WWP1: variants seen among roughly 807,000 people sequenced by gnomAD.
WWP1 encodes the protein NEDD4-like E3 ubiquitin-protein ligase WWP1.
WWP1 carries 49 observed loss-of-function variants against 130.6 expected under a neutral mutation model. The observed-to-expected ratio is 0.38, with a 90% CI of 0.30 to 0.48. WWP1 has a LOEUF of 0.48. Ranked by LOEUF, WWP1 falls within the 20% of genes least tolerant of loss-of-function variation. The pLI is 0.99. For missense variants in WWP1, 809 were observed against 1,100.6 expected, an observed-to-expected ratio of 0.74 and a Z score of 3.75; for synonymous variants, 332 against 367.8, an observed-to-expected ratio of 0.90 and a Z score of 1.11.
chr8:86,399,772 G>T (rs577992696), intron 7 of WWP1, among the ~76,000 whole-genome samples: 1 of 152,270 alleles, frequency 6.6e-6, no homozygotes, highest in African/African-American at 2.4e-5. Flanking sequence ...ATTCAAATGG[G>T]TTCTTTTACC....
intron 1 of WWP1, among the ~76,000 whole-genome samples, chr8:86,366,619 A>C (rs566680785): frequency 4.5e-4 from 68 of 151,970 alleles, no homozygotes; most frequent in African/African-American, 1.3e-3. Flanking sequence ...AAAATCTAAC[A>C]GAATTATATT....
intron 1 of WWP1, among the ~76,000 whole-genome samples, chr8:86,364,096 A>G (rs1823824570): frequency 6.6e-6 from 1 of 152,226 alleles, no homozygotes; most frequent in African/African-American, 2.4e-5. Context: ...AGGCAAGGAC[A>G]TAGATGGAAT....
intron 5 of WWP1, chr8:86,387,073 A>G (rs1408902662): frequency 1.3e-5 from 2 of 152,184 alleles, no homozygotes; most frequent in African/African-American, 4.8e-5. Context: ...TAAAGACCCT[A>G]ATTTTTAATA....
chr8:86,458,831 T>C (rs960334503), intron 22 of WWP1, among the ~76,000 whole-genome samples: 3 of 152,096 alleles, frequency 2.0e-5, no homozygotes, highest in Non-Finnish European at 4.4e-5. Flanking sequence ...CTTCTAGAAA[T>C]TTATCTTAAA....
chr8:86,388,727 CTTAA>C (rs1317501001), intron 5 of WWP1, among the ~76,000 whole-genome samples: 3 of 152,004 alleles, frequency 2.0e-5, no homozygotes, highest in South Asian at 2.1e-4. Context: ...TATAATAGTT[CTTAA>C]TTTATTTAAA....
intron 20 of WWP1, among the ~76,000 whole-genome samples, chr8:86,450,672 C>A (rs1399171499): frequency 6.6e-6 from 1 of 152,162 alleles, no homozygotes; most frequent in Non-Finnish European, 1.5e-5. Context: ...TTGTTTCAGT[C>A]TCAAATAATA....
chr8:86,394,195 C>G (rs1807517302), intron 5 of WWP1, among the ~76,000 whole-genome samples: 1 of 152,202 alleles, frequency 6.6e-6, no homozygotes, highest in Admixed American at 6.5e-5. Context: ...AAATAGAAGT[C>G]TGTGAAACAT....
chr8:86,380,940 A>C, intron 4 of WWP1, 76 bp downstream of exon 4: 1 of 1,416,416 alleles, frequency 7.1e-7, no homozygotes, highest in Non-Finnish European at 9.2e-7. Context: ...TGTTTTGTAA[A>C]ATGACTTCAA....
chr8:86,425,393 G>T, intron 10 of WWP1, 75 bp downstream of exon 10: 1 of 1,101,662 alleles, frequency 9.1e-7, no homozygotes, highest in Non-Finnish European at 1.3e-6. Context: ...TTAGTACAGC[G>T]TAATTTGATT....
intron 1 of WWP1, among the ~76,000 whole-genome samples, chr8:86,357,675 T>C (rs770765709): frequency 6.6e-6 from 1 of 152,234 alleles, no homozygotes; most frequent in Non-Finnish European, 1.5e-5. Flanking sequence ...AAGTTTAATA[T>C]CAGGGATTCT....
chr8:86,466,119 A>G lies in WWP1; in HGVS notation c.2670-675A>G, dbSNP rs76896997. Among the ~76,000 whole-genome samples, 517 of 152,342 alleles carry G rather than the reference A, an allele frequency of 3.4e-3. 15 individuals carry two copies. The East Asian group carries it at 0.045, about 13-fold the overall frequency. Reference sequence around the variant, plus strand: ...CACCCGAATCCTAATCTAGCTACTCAGTGCTGTACCTCACAAAACGAAATG... The same window carrying G: ...CACCCGAATCCTAATCTAGCTACTCGGTGCTGTACCTCACAAAACGAAATG... On this transcript the variant is annotated intron_variant, in intron 24 of 24. Coordinates refer to ENST00000517970, the MANE Select transcript of WWP1 (RefSeq NM_007013.4).
intron 1 of WWP1, among the ~76,000 whole-genome samples, chr8:86,345,431 A>G (rs991030743): frequency 1.3e-5 from 2 of 151,960 alleles, no homozygotes; most frequent in South Asian, 4.2e-4. Flanking sequence ...TCGAGGCAGG[A>G]TTTCTTTCAC....
Position 86,442,615 on chromosome 8 carries a change from A to T in WWP1, c.1839-4A>T. 1 of 1,588,016 alleles carries T rather than the reference A, an allele frequency of 6.3e-7. No homozygotes were observed. The highest frequency in any genetic ancestry group is 1.1e-5 in the South Asian group (1 of 87,090). ...AAAAATAACCTTGACTTATTTTCTT[A>T]TAGAGAATGGTTTTTCTTGCTTTCA... On this transcript the variant is annotated splice_polypyrimidine_tract_variant and splice_region_variant and intron_variant, in intron 17 of 24. Coordinates refer to ENST00000517970, the MANE Select transcript of WWP1 (RefSeq NM_007013.4).
chr8:86,362,005 CACAT>C (rs1407796448), intron 1 of WWP1, among the ~76,000 whole-genome samples: 67 of 143,448 alleles, frequency 4.7e-4, no homozygotes, highest in East Asian at 4.3e-3. Context: ...TATATATACA[CACAT>C]ATATATATAC....
intron 5 of WWP1, among the ~76,000 whole-genome samples, chr8:86,396,969 C>A (rs945249786): frequency 1.3e-5 from 2 of 152,098 alleles, no homozygotes; most frequent in African/African-American, 4.8e-5. Context: ...CTCAAGTGAT[C>A]CTCCTGTGTC....
At chr8:86,377,829 A>AT (rs1037553458) in intron 3 of WWP1, among the ~76,000 whole-genome samples, 3 of 151,532 alleles carry the variant, frequency 2.0e-5, no homozygotes, top group South Asian at 4.2e-4. Context: ...CATGTTTATA[A>AT]TTTTTTTTTA....
chr8:86,461,085 AG>A (rs771610672), intron 22 of WWP1, 138 bp from the exon 23 acceptor site: 90 of 672,816 alleles, frequency 1.3e-4, no homozygotes, highest in Non-Finnish European at 1.7e-4. Flanking sequence ...CTGGGATTAC[AG>A]GTGTGAGCCA....
intron 1 of WWP1, among the ~76,000 whole-genome samples, chr8:86,364,943 A>G (rs1315351378): frequency 1.3e-5 from 2 of 152,190 alleles, no homozygotes; most frequent in African/African-American, 4.8e-5. Flanking sequence ...CTCACTTTCT[A>G]TAAGAAAATG....
At chr8:86,433,153 A>G (rs936677186) in intron 14 of WWP1, among the ~76,000 whole-genome samples, 8 of 151,468 alleles carry the variant, frequency 5.3e-5, no homozygotes, top group African/African-American at 1.9e-4. Flanking sequence ...GCTGTGAGCC[A>G]TACTTTCTTG....
Sources: gnomAD v4.1 joint callset for allele counts (sites outside exome capture counted in the v4.1 genomes callset) on GRCh38, gnomAD v4.1.1 for gene constraint, MANE v1.5 for transcripts, NCBI Gene and HGNC (gene_info 2026-07-23, HGNC 2026-07-21) for gene names.